DHCR7: variants seen among roughly 807,000 people sequenced by gnomAD.
DHCR7 encodes the protein 7-dehydrocholesterol reductase.
In DHCR7, 40 loss-of-function variants were observed where a neutral mutation model predicts 43.3. The observed-to-expected ratio is 0.92, with a 90% CI of 0.72 to 1.20. The LOEUF is 1.20. Ranked by LOEUF, DHCR7 falls within the 50% of genes most tolerant of loss-of-function variation. The probability of loss-of-function intolerance (pLI) is 0.00; values close to 1 mark genes in which losing one functional copy is unlikely to be tolerated. For synonymous variants in DHCR7, 298 were observed against 271.4 expected (o/e 1.10, Z -0.96); for missense variants, 608 against 644.6 (o/e 0.94, Z 0.62).
At chr11:71,444,494 C>T (rs1331482716) in intron 3 of DHCR7, among the ~76,000 whole-genome samples, 1 of 152,176 alleles carries the variant, frequency 6.6e-6, no homozygotes, top group African/African-American at 2.4e-5. Flanking sequence ...CCACCAAGGC[C>T]AGTGGTTTCC....
rs374941029 is a variant in DHCR7, at chr11:71,444,149, G to A, written c.165C>T (p.Tyr55=). ...FLLLFAPFIV[Y]YFIMACDQYS... ...ACTGGTCACAAGCCATGATGAAGTA[G>A]TAGACGATGAAGGGGGCGAACAGCA... is the stretch of plus-strand genomic sequence containing the variant. Residue 55 remains tyrosine, a synonymous_variant, in exon 4 of 9, where the codon TAC becomes TAT. Coordinates refer to ENST00000355527, the MANE Select transcript of DHCR7 (RefSeq NM_001360.3). 1.9e-6 allele frequency: 3 copies of A among 1,611,456 alleles called. No individual in the cohort carries two copies. The highest frequency in any genetic ancestry group is 2.5e-6 in the Non-Finnish European group (3 of 1,178,740).
rs530687139 is a variant in DHCR7 at position 71,444,882 on chromosome 11, G to T, written c.71C>A (p.Ala24Glu). Residue 24 changes from alanine (A) to glutamate (E), a missense_variant, in exon 3 of 9, where the codon GCA (alanine) becomes GAA (glutamate). By Grantham distance (107) the Ala-to-Glu change is moderately radical. Coordinates refer to ENST00000355527, the MANE Select transcript of DHCR7 (RefSeq NM_001360.3). ...SLDGVTNDRTASQGQWGRAWE... is the reference protein window; with the variant it reads ...SLDGVTNDRTESQGQWGRAWE... The stretch of plus-strand genomic sequence containing the variant: ...GGCACGGCCCCACTGCCCTTGAGAT[G>T]CGGTTCTGTCATTGGTGACGCCATC... 6.8e-6 allele frequency: 11 copies of T among 1,614,202 alleles called. No individual in the cohort carries two copies. In the South Asian group the frequency reaches 1.1e-4, roughly 16 times the overall value.
At chr11:71,428,023 C>T (rs1287822749), downstream of DHCR7, among the ~76,000 whole-genome samples, 1 of 152,186 alleles carries the variant, frequency 6.6e-6, no homozygotes, top group Admixed American at 6.5e-5. Flanking sequence ...AATCTAAATT[C>T]CCAGATGCCA....
In DHCR7 at chr11:71,444,895, T is replaced by C. The variant is rs772572550; in HGVS notation, c.58A>G (p.Asn20Asp). 3.2e-5 allele frequency: 52 copies of C among 1,614,092 alleles called. No homozygotes were observed. Among genetic ancestry groups the C allele is most frequent in the Non-Finnish European group, 2.1e-5 (25 of 1,180,048 alleles). Residue 20 changes from asparagine (N) to aspartate (D), a missense_variant, in exon 3 of 9, where the codon AAT (asparagine) becomes GAT (aspartate). Coordinates refer to ENST00000355527, the MANE Select transcript of DHCR7 (RefSeq NM_001360.3). ...PKAKSLDGVTNDRTASQGQWG... is the reference protein window; with the variant it reads ...PKAKSLDGVTDDRTASQGQWG... ...TGCCCTTGAGATGCGGTTCTGTCAT[T>C]GGTGACGCCATCTAGACTCTTGGCT...
At chr11:71,444,983 C>T (rs1266090402) in intron 2 of DHCR7, 25 bp from the exon 3 acceptor site, 3 of 1,591,330 alleles carry the variant, frequency 1.9e-6, no homozygotes, top group Non-Finnish European at 2.6e-6. Flanking sequence ...ACCTTGCTTA[C>T]ATTATCCCTC....
chr11:71,428,426 T>C (rs12419334), exon 3 of DHCR7: 87,905 of 154,492 alleles, frequency 0.57, 27,453 homozygotes, highest in Non-Finnish European at 0.73. Context: ...CAGTTGACTG[T>C]CCTATTCTTT....
chr11:71,435,881 G>A, intron 8 of DHCR7, 42 bp from the exon 9 acceptor site: 2 of 1,543,462 alleles, frequency 1.3e-6, no homozygotes, highest in Non-Finnish European at 1.8e-6. Flanking sequence ...GCTTTGCCCA[G>A]GGAGAGGACA....
In DHCR7 at chr11:71,444,935, T is replaced by C. The variant is rs754333005; in HGVS notation, c.18A>G (p.Gln6=). Residue 6 remains glutamine, a synonymous_variant, in exon 3 of 9, where the codon CAA becomes CAG. Transcript: ENST00000355527. MAAKS[Q]PNIPKAKSLD... Reference sequence around the variant, plus strand: ...GACTCTTGGCTTTGGGAATGTTGGGTTGCGATTTTGCAGCCATTGGGCCCT... The same window carrying C: ...GACTCTTGGCTTTGGGAATGTTGGGCTGCGATTTTGCAGCCATTGGGCCCT... The C allele has an allele frequency of 6.2e-6, 10 of 1,614,214 alleles. No individual in the cohort carries two copies. The highest frequency in any genetic ancestry group is 5.1e-6 in the Non-Finnish European group (6 of 1,180,038).
chr11:71,439,107 C>A, intron 6 of DHCR7, 24 bp from the exon 7 acceptor site: 1 of 1,600,326 alleles, frequency 6.2e-7, no homozygotes, highest in Non-Finnish European at 8.5e-7. Context: ...ATAAAAGATA[C>A]ATTTAGTGGA....
downstream of DHCR7, among the ~76,000 whole-genome samples, chr11:71,430,863 G>A (rs1321369625): frequency 6.6e-6 from 1 of 152,172 alleles, no homozygotes. Context: ...GCAGTAAAAG[G>A]TTAAAACTAG....
intron 8 of DHCR7, among the ~76,000 whole-genome samples, chr11:71,436,392 C>T (rs1242681251): frequency 6.6e-6 from 1 of 152,232 alleles, no homozygotes; most frequent in East Asian, 1.9e-4. Flanking sequence ...TGGCCATGCA[C>T]AGTGGCTCAC....
intron 2 of DHCR7, among the ~76,000 whole-genome samples, chr11:71,429,221 CTG>C (rs1470875003): frequency 1.3e-5 from 2 of 152,190 alleles, no homozygotes; most frequent in African/African-American, 4.8e-5. Context: ...ATGGCTATTG[CTG>C]TGTCAATATG....
intron 8 of DHCR7, among the ~76,000 whole-genome samples, chr11:71,436,868 C>T (rs1362406530): frequency 1.3e-5 from 2 of 152,182 alleles, no homozygotes; most frequent in African/African-American, 2.4e-5. Flanking sequence ...ATGTACATCT[C>T]GAGACACACA....
chr11:71,443,049 C>T (rs1441243675), intron 4 of DHCR7, among the ~76,000 whole-genome samples: 3 of 152,202 alleles, frequency 2.0e-5, no homozygotes, highest in African/African-American at 7.2e-5. Context: ...GGGAACCACA[C>T]AGTATGCAGC....
At chr11:71,427,581 T>C (rs550373966), downstream of DHCR7, among the ~76,000 whole-genome samples, 2 of 152,310 alleles carry the variant, frequency 1.3e-5, no homozygotes, top group South Asian at 4.1e-4. Context: ...ATAACTATTG[T>C]GGGGACGGTC....
chr11:71,439,993 G>A (rs1949331150), intron 6 of DHCR7, among the ~76,000 whole-genome samples: 1 of 152,212 alleles, frequency 6.6e-6, no homozygotes, highest in African/African-American at 2.4e-5. Context: ...CTGTCCACAA[G>A]AGAACCCCCC....
chr11:71,443,868 G>T (rs1949374278), intron 4 of DHCR7, 125 bp downstream of exon 4: 3 of 716,074 alleles, frequency 4.2e-6, no homozygotes, highest in Middle Eastern at 3.4e-4. Flanking sequence ...TGCCCTGCTG[G>T]GTCCCGGGAA....
chr11:71,441,466 A>C (rs1295921266), intron 5 of DHCR7, 26 bp from the exon 6 acceptor site: 1 of 1,583,196 alleles, frequency 6.3e-7, no homozygotes, highest in Non-Finnish European at 8.6e-7. Context: ...TCAGAAATGA[A>C]GGCGCTTTCC....
rs145284180 is a variant in DHCR7, at chr11:71,438,981, G to A, written c.729C>T (p.Pro243=). The A allele has an allele frequency of 1.2e-4, 197 of 1,614,090 alleles. No individual in the cohort carries two copies. The highest frequency in any genetic ancestry group is 2.5e-4 in the African/African-American group (19 of 75,076). Residue 243 remains proline (P), a synonymous_variant, in exon 7 of 9, where the codon CCC becomes CCT. Coordinates refer to ENST00000355527, the MANE Select transcript of DHCR7 (RefSeq NM_001360.3). ...TGATGAGGGTCCAGGCGACGATCCC[G>A]GGGCGCCCATTGAAGAACAGCTTGA... ...FDFKLFFNGR[P]GIVAWTLINL... is the part of the protein sequence containing the mutation.
Sources: gnomAD v4.1 joint callset for allele counts (sites outside exome capture counted in the v4.1 genomes callset) on GRCh38, gnomAD v4.1.1 for gene constraint, MANE v1.5 for transcripts, NCBI Gene and HGNC (gene_info 2026-07-23, HGNC 2026-07-21) for gene names.